The following SCGB1D4 variants were observed in gnomAD, a reference collection of about 807,000 sequenced individuals.
SCGB1D4 encodes the protein IFN-gamma inducible SCGB (IIS).
SCGB1D4 carries 6 observed loss-of-function variants against 8.1 expected under a neutral mutation model. The observed-to-expected ratio is 0.74, with a 90% CI of 0.40 to 1.45. The LOEUF is 1.45. Ranked by LOEUF, SCGB1D4 falls within the 40% of genes most tolerant of loss-of-function variation. The pLI is 0.02. For missense variants in SCGB1D4, 93 were observed against 95.0 expected (o/e 0.98, Z 0.09); for synonymous variants, 34 against 38.1 (o/e 0.89, Z 0.39).
intron 2 of SCGB1D4, among the ~76,000 whole-genome samples, chr11:62,296,705 CA>C (rs1324795851): frequency 6.6e-6 from 1 of 152,188 alleles, no homozygotes; most frequent in Non-Finnish European, 1.5e-5. Context: ...GACAGTGCAG[CA>C]AGAGGTTGTT....
At chr11:62,298,323 G>A (rs925982166) in intron 1 of SCGB1D4, among the ~76,000 whole-genome samples, 6 of 151,986 alleles carry the variant, frequency 3.9e-5, no homozygotes, top group Non-Finnish European at 5.9e-5. Flanking sequence ...GGGAAGTGTC[G>A]AAGCCCAGGT....
Position 62,297,617 on chromosome 11 carries a change from C to G in SCGB1D4, c.97G>C (p.Val33Leu). Reference sequence around the variant, plus strand: ...GCAGCGTCACTTAAGAATAAGAAGACTGTGATCTCAGAAGCAACAGCTGGG... The same window carrying G: ...GCAGCGTCACTTAAGAATAAGAAGAGTGTGATCTCAGAAGCAACAGCTGGG... ...VCPAVASEITVFLFLSDAAVN... is the reference protein window; with the variant it reads ...VCPAVASEITLFLFLSDAAVN... The change falls in exon 2 of 3, where the codon GTC becomes CTC. Residue 33 changes from valine (V) to leucine (L), a missense_variant. By Grantham distance (32) the Val-to-Leu change is conservative. Transcript: ENST00000358585. 6.2e-7 allele frequency: 1 copy of G among 1,614,000 alleles called. No homozygotes were observed. Among genetic ancestry groups the G allele is most frequent in the Non-Finnish European group, 8.5e-7 (1 of 1,180,012 alleles).
At chr11:62,298,051 GTTTTGTTTTT>G (rs1945458552) in intron 1 of SCGB1D4, among the ~76,000 whole-genome samples, 1 of 108,536 alleles carries the variant, frequency 9.2e-6, no homozygotes. Flanking sequence ...TGTGTGTTTT[GTTTTGTTTTT>G]TTTTTTTGTA....
rs71458409 is a variant in SCGB1D4 at position 62,298,010 on chromosome 11, T to TTGTGTG, written c.56-358_56-353dup. ...CCAGTGCCTGCCACCATGCCCGCTT[T>TTGTGTG]TGTGTGTGTGTGTGTGTGTGTGTGT... On this transcript the variant is annotated intron_variant, in intron 1 of 2. Coordinates refer to ENST00000358585, the MANE Select transcript of SCGB1D4 (RefSeq NM_206998.2). Among the ~76,000 whole-genome samples, 631 of 116,216 alleles carry TTGTGTG rather than the reference T, an allele frequency of 5.4e-3. 9 individuals are homozygous for TTGTGTG. Among genetic ancestry groups the TTGTGTG allele is most frequent in the East Asian group, 0.019 (72 of 3,778 alleles). 76.2% of individuals were successfully genotyped at this position (116,216 alleles called of 152,430 possible).
intron 1 of SCGB1D4, 34 bp from the exon 2 acceptor site, chr11:62,297,692 A>G: frequency 2.5e-6 from 4 of 1,591,294 alleles, no homozygotes; most frequent in Non-Finnish European, 3.4e-6. Flanking sequence ...TGTTGATGTT[A>G]GGAAAGTCGA....
In SCGB1D4 at chr11:62,297,606, G is replaced by C. The variant is rs1945453278; in HGVS notation, c.108C>G (p.Phe36Leu). 6.2e-7 allele frequency: 1 copy of C among 1,613,952 alleles called. No individual in the cohort carries two copies. The highest frequency in any genetic ancestry group is 1.7e-5 in the Admixed American group (1 of 60,008). ...GGAGGTTTACCGCAGCGTCACTTAA[G>C]AATAAGAAGACTGTGATCTCAGAAG... is the stretch of plus-strand genomic sequence containing the variant. ...AVASEITVFL[F>L]LSDAAVNLQV... Residue 36 changes from phenylalanine (F) to leucine (L), a missense_variant, in exon 2 of 3, where the codon TTC (phenylalanine) becomes TTG (leucine). Phe to Leu is a conservative substitution (Grantham distance 22). Transcript: ENST00000358585.
At chr11:62,297,964 C>T (rs1945456231) in intron 1 of SCGB1D4, among the ~76,000 whole-genome samples, 1 of 151,696 alleles carries the variant, frequency 6.6e-6, no homozygotes, top group South Asian at 2.1e-4. Flanking sequence ...CCTCCCTCAG[C>T]CCCCAAAGTA....
chr11:62,299,004 G>A lies in SCGB1D4; in HGVS notation c.7C>T (p.Leu3=). 1 of 1,613,754 alleles carries A rather than the reference G, an allele frequency of 6.2e-7. No individual in the cohort carries two copies. The highest frequency in any genetic ancestry group is 2.2e-5 in the East Asian group (1 of 44,866). MR[L]SVCLLMVSLA... ...GAGACCATCAGGAGACACACTGACA[G>A]CCTCATGGTGGCTTATTCGGCTGTG... Residue 3 remains leucine (L), a synonymous_variant, in exon 1 of 3, where the codon CTG becomes TTG. Coordinates refer to ENST00000358585, the MANE Select transcript of SCGB1D4 (RefSeq NM_206998.2).
chr11:62,297,096 C>T (rs1222361212), intron 2 of SCGB1D4, among the ~76,000 whole-genome samples: 1 of 152,112 alleles, frequency 6.6e-6, no homozygotes, highest in Non-Finnish European at 1.5e-5. Flanking sequence ...GGATAGTGGG[C>T]CCTGAGGAGC....
chr11:62,297,551 C>T lies in SCGB1D4; in HGVS notation c.163G>A (p.Ala55Thr). ...QVAKLNPPPEALAAKLEVKHC... is the reference protein window; with the variant it reads ...QVAKLNPPPETLAAKLEVKHC... Reference sequence around the variant, plus strand: ...TTCACTTCCAACTTGGCTGCAAGAGCTTCTGGAGGTGGATTAAGTTTGGCA... The same window carrying T: ...TTCACTTCCAACTTGGCTGCAAGAGTTTCTGGAGGTGGATTAAGTTTGGCA... The change falls in exon 2 of 3, where the codon GCT becomes ACT. Residue 55 changes from alanine (A) to threonine (T), a missense_variant. By Grantham distance (58) the Ala-to-Thr change is moderately conservative. Transcript: ENST00000358585. 2 of 1,614,124 alleles carry T rather than the reference C, an allele frequency of 1.2e-6. No individual in the cohort carries two copies. Among genetic ancestry groups the T allele is most frequent in the South Asian group, 2.2e-5 (2 of 91,086 alleles).
intron 1 of SCGB1D4, 108 bp downstream of exon 1, chr11:62,298,848 T>C: frequency 1.1e-6 from 1 of 936,078 alleles, no homozygotes; most frequent in Non-Finnish European, 1.6e-6. Context: ...GTTTGGAATT[T>C]TGTTTGGTTT....
intron 2 of SCGB1D4, among the ~76,000 whole-genome samples, chr11:62,296,963 A>ATCTC (rs1040033746): frequency 6.6e-6 from 1 of 152,218 alleles, no homozygotes; most frequent in Non-Finnish European, 1.5e-5. Context: ...GGGCCCTGGA[A>ATCTC]TCTCTGATTT....
intron 2 of SCGB1D4, 142 bp downstream of exon 2, chr11:62,297,330 T>C: frequency 1.4e-6 from 1 of 709,480 alleles, no homozygotes; most frequent in Non-Finnish European, 2.4e-6. Flanking sequence ...TCACCATCCC[T>C]GCCTTGGCCC....
At position 62,296,416 on chromosome 11, in the gene SCGB1D4, C is replaced by T; in HGVS notation, c.246G>A (p.Trp82Ter). The part of the protein sequence containing the change: ...KKRLSLKKSW[W>*]K ...CACACACCACATTTTTTCACTATTT[C>T]CACCTGAAATCAAAAAAAAGAAAGA... The change falls in exon 3 of 3, where the codon TGG becomes TGA. Residue 82 changes from tryptophan to a stop codon, truncating the protein, a stop_gained. Transcript: ENST00000358585. LOFTEE classifies it high-confidence loss of function. 6.2e-7 allele frequency: 1 copy of T among 1,604,924 alleles called. No homozygotes were observed. Among genetic ancestry groups the T allele is most frequent in the Non-Finnish European group, 8.5e-7 (1 of 1,175,172 alleles).
At chr11:62,296,503 C>T (rs903672951) in intron 2 of SCGB1D4, 84 bp from the exon 3 acceptor site, 33 of 1,430,256 alleles carry the variant, frequency 2.3e-5, no homozygotes, top group Admixed American at 9.1e-5. Context: ...ATCAAAGAGG[C>T]CAATGGGATT....
At position 62,296,334 on chromosome 11, in the gene SCGB1D4, T is replaced by C; in HGVS notation, c.*76A>G. ...GTGTTGAAACCTTTACAATTTTTAG[T>C]GAAGATCAGGGTGTCGTTGAAAGAC... is the stretch of plus-strand genomic sequence containing the variant. On this transcript the variant is annotated 3_prime_UTR_variant, in exon 3 of 3. Coordinates refer to ENST00000358585, the MANE Select transcript of SCGB1D4 (RefSeq NM_206998.2). 3 of 1,298,252 alleles carry C rather than the reference T, an allele frequency of 2.3e-6. No individual in the cohort carries two copies. The highest frequency in any genetic ancestry group is 3.4e-6 in the Non-Finnish European group (3 of 894,718). 80.4% of individuals were successfully genotyped at this position (1,298,252 alleles called of 1,614,324 possible). A position where few individuals can be genotyped will look rare whatever the true frequency, so the allele number is the denominator to read the frequency against.
In SCGB1D4 at chr11:62,297,777, CT is replaced by C; in HGVS notation, c.56-120del. The C allele has an allele frequency of 3.9e-6, 3 of 763,298 alleles. No homozygotes were observed. The East Asian group carries it at 8.0e-5, about 20-fold the overall frequency. 47.3% of individuals were successfully genotyped at this position (763,298 alleles called of 1,614,324 possible). A position where few individuals can be genotyped will look rare whatever the true frequency, so the allele number is the denominator to read the frequency against. ...TCTATGTTTCTATACCATTATTGTG[CT>C]GATGACAATACCAGAAACTCCAGGT... On this transcript the variant is annotated intron_variant, in intron 1 of 2. Transcript: ENST00000358585.
intron 2 of SCGB1D4, among the ~76,000 whole-genome samples, chr11:62,296,901 G>A (rs143883567): frequency 6.6e-6 from 1 of 152,330 alleles, no homozygotes; most frequent in African/African-American, 2.4e-5. Flanking sequence ...AGCTTCTATG[G>A]GTATTTGCAG....
intron 2 of SCGB1D4, 63 bp downstream of exon 2, chr11:62,297,409 C>T: frequency 7.8e-7 from 1 of 1,285,150 alleles, no homozygotes; most frequent in Non-Finnish European, 1.1e-6. Context: ...TGACAAGAAA[C>T]ATGCAGGAGG....
Sources: allele counts gnomAD v4.1 joint callset (sites outside exome capture counted in the v4.1 genomes callset), GRCh38; gene constraint gnomAD v4.1.1; transcripts MANE v1.5; gene names NCBI Gene and HGNC (gene_info 2026-07-23, HGNC 2026-07-21).